The following PRKCZ variants were observed in gnomAD, a reference collection of about 807,000 sequenced individuals.
The protein encoded by PRKCZ is protein kinase C zeta.
In PRKCZ, 33 loss-of-function variants were observed where a neutral mutation model predicts 79.5. The observed-to-expected ratio is 0.41, with a 90% CI of 0.31 to 0.55. The LOEUF (loss-of-function observed/expected upper bound fraction) is 0.55. PRKCZ is among the 20% of genes least tolerant of loss of function. The pLI, the probability that PRKCZ is intolerant of heterozygous loss-of-function variation, is 0.19. For missense variants in PRKCZ, 578 were observed against 813.5 expected (o/e 0.71, Z 3.52); for synonymous variants, 342 against 320.9 (o/e 1.07, Z -0.70).
intron 16 of PRKCZ, among the ~76,000 whole-genome samples, chr1:2,176,257 G>A (rs1468057856): frequency 1.3e-5 from 2 of 152,178 alleles, no homozygotes; most frequent in Admixed American, 6.5e-5. Flanking sequence ...CGAATGTCCC[G>A]AGGGGCTCTG....
chr1:2,086,268 C>G (rs749689371), intron 4 of PRKCZ, among the ~76,000 whole-genome samples: 1 of 152,048 alleles, frequency 6.6e-6, no homozygotes, highest in African/African-American at 2.4e-5. Flanking sequence ...TCCATTTTGC[C>G]CAGGCTGATC....
At chr1:2,085,294 A>C (rs1269821973) in intron 4 of PRKCZ, among the ~76,000 whole-genome samples, 1 of 152,228 alleles carries the variant, frequency 6.6e-6, no homozygotes, top group Admixed American at 6.5e-5. Flanking sequence ...GGTAGCACAC[A>C]GAAGGTCCCG....
intron 16 of PRKCZ, among the ~76,000 whole-genome samples, chr1:2,176,205 C>T (rs1259754920): frequency 6.6e-5 from 10 of 152,104 alleles, no homozygotes; most frequent in Non-Finnish European, 2.9e-5. Flanking sequence ...TGATGAGGGG[C>T]GGTGACTGCA....
At chr1:2,120,269 G>A (rs1264019778) in intron 4 of PRKCZ, among the ~76,000 whole-genome samples, 1 of 128,676 alleles carries the variant, frequency 7.8e-6, no homozygotes, top group East Asian at 2.5e-4. Flanking sequence ...GTCTCTTTTG[G>A]AAAATATCAG....
chr1:2,168,357 G>A lies in PRKCZ; in HGVS notation c.975-1161G>A, dbSNP rs1035858578. On this transcript the variant is annotated intron_variant, in intron 10 of 17. Transcript: ENST00000378567. This position sits in a 1 kb window ranked among gnomAD's most constrained non-coding sequence, Gnocchi z 4.7. ...TACCAGAGAATTTCCAGGCACATCCGTTGGAGGCAGGGGAGACAACAAAAG... is the reference window on the plus strand; with the variant it reads ...TACCAGAGAATTTCCAGGCACATCCATTGGAGGCAGGGGAGACAACAAAAG... Among the ~76,000 whole-genome samples, 5 of 152,160 alleles carry A rather than the reference G, an allele frequency of 3.3e-5. No individual in the cohort carries two copies. Among genetic ancestry groups the A allele is most frequent in the South Asian group, 2.1e-4 (1 of 4,832 alleles).
chr1:2,079,402 C>A (rs762362010), intron 4 of PRKCZ, among the ~76,000 whole-genome samples: 1 of 152,234 alleles, frequency 6.6e-6, no homozygotes, highest in African/African-American at 2.4e-5. Flanking sequence ...TTCCCAGAAT[C>A]GCACAGTTTG....
At chr1:2,147,648 CATCT>C (rs1490134111) in intron 7 of PRKCZ, among the ~76,000 whole-genome samples, 15 of 148,524 alleles carry the variant, frequency 1.0e-4, no homozygotes, top group Admixed American at 2.7e-4. Context: ...TCTATCCATC[CATCT>C]ATTGTCCACT....
chr1:2,159,445 G>A lies in PRKCZ; in HGVS notation c.974+3353G>A, dbSNP rs569232151. Among the ~76,000 whole-genome samples the A allele has an allele frequency of 7.2e-5, 11 of 152,350 alleles. No individual in the cohort carries two copies. The South Asian group carries it at 1.7e-3, about 23-fold the overall frequency. On this transcript the variant is annotated intron_variant, in intron 10 of 17. Coordinates refer to ENST00000378567, the MANE Select transcript of PRKCZ (RefSeq NM_002744.6). ...TTGCTGAGGGCCAGGTGAATAACAC[G>A]CAGAACAGGACACTCCTTCGCTCTG...
rs764115338 is a variant in PRKCZ, at chr1:2,172,418, A to G, written c.1285+30A>G. 35 of 1,597,696 alleles carry G rather than the reference A, an allele frequency of 2.2e-5. 1 individual carries two copies. In the African/African-American group the frequency reaches 4.3e-4, roughly 20 times the overall value. On this transcript the variant is annotated intron_variant, in intron 13 of 17. Transcript: ENST00000378567. The surrounding 1 kb of genome is among the most constrained non-coding windows in gnomAD (Gnocchi z 7.8). The stretch of plus-strand genomic sequence containing the variant: ...GTGCCGCTGCCCTGGCCCCTCTCGG[A>G]GCACACAGGGCCAGAGATGGCTTCG...
At chr1:2,081,751 GT>G (rs1663563769) in intron 4 of PRKCZ, among the ~76,000 whole-genome samples, 2 of 152,154 alleles carry the variant, frequency 1.3e-5, no homozygotes, top group South Asian at 4.1e-4. Flanking sequence ...TGGGGCTCGT[GT>G]GGGACTCGGC....
rs1056390325 is a variant in PRKCZ at position 2,151,629 on chromosome 1, G to C, written c.876+651G>C. On this transcript the variant is annotated intron_variant, in intron 9 of 17. Transcript: ENST00000378567. ...TCCCACACCAGCTGTTTCTAGGGGA[G>C]AAGTTTGTTGATTATAGGATCAATG... 3.9e-5 allele frequency among the ~76,000 whole-genome samples: 6 copies of C among 152,186 alleles called. No homozygotes were observed. In the East Asian group the frequency reaches 1.2e-3, roughly 29 times the overall value.
chr1:2,115,721 T>TTTGC (rs1466495550), intron 4 of PRKCZ, among the ~76,000 whole-genome samples: 1 of 152,040 alleles, frequency 6.6e-6, no homozygotes, highest in Non-Finnish European at 1.5e-5. Context: ...AGGAAAACAC[T>TTTGC]TTGCTTAGTG....
At chr1:2,078,844 CTT>C (rs35626021) in intron 4 of PRKCZ, among the ~76,000 whole-genome samples, 12 of 133,966 alleles carry the variant, frequency 9.0e-5, no homozygotes, top group East Asian at 2.2e-4. Flanking sequence ...CTGAAGGTGG[CTT>C]TTTTTTTTTT....
chr1:2,068,358 T>C (rs1354079615), intron 4 of PRKCZ, among the ~76,000 whole-genome samples: 1 of 152,182 alleles, frequency 6.6e-6, no homozygotes, highest in Admixed American at 6.5e-5. Context: ...AGGGCTGGCT[T>C]TCTTGGGAGG....
At chr1:2,108,705 A>G (rs1669096749) in intron 4 of PRKCZ, among the ~76,000 whole-genome samples, 2 of 152,086 alleles carry the variant, frequency 1.3e-5, no homozygotes, top group South Asian at 4.1e-4. Context: ...AGGCTGTCTG[A>G]TGTGCTCCCT....
intron 4 of PRKCZ, among the ~76,000 whole-genome samples, chr1:2,100,773 TG>T (rs1296220274): frequency 7.9e-5 from 12 of 152,004 alleles, no homozygotes; most frequent in Admixed American, 7.9e-4. Context: ...AGAGGCCTCG[TG>T]GGTTGGAGGA....
intron 4 of PRKCZ, among the ~76,000 whole-genome samples, chr1:2,109,338 C>G (rs4648806): frequency 1.3e-5 from 2 of 151,818 alleles, no homozygotes; most frequent in Non-Finnish European, 2.9e-5. Context: ...GGGCGATGGT[C>G]GGGGGGCACC....
chr1:2,138,884 A>C (rs1242113165), intron 5 of PRKCZ, among the ~76,000 whole-genome samples: 1 of 152,168 alleles, frequency 6.6e-6, no homozygotes, highest in African/African-American at 2.4e-5. Flanking sequence ...CGGTGAGCTG[A>C]GATTGTGCCA....
intron 4 of PRKCZ, among the ~76,000 whole-genome samples, chr1:2,103,467 AG>A (rs1282518247): frequency 6.6e-6 from 1 of 152,050 alleles, no homozygotes; most frequent in Non-Finnish European, 1.5e-5. Flanking sequence ...AAGGCCTGGG[AG>A]GGGGACACAG....
Sources: gnomAD v4.1 joint callset for allele counts (sites outside exome capture counted in the v4.1 genomes callset) on GRCh38, gnomAD v4.1.1 for gene constraint, Gnocchi (gnomAD v3.1) non-coding constraint, MANE v1.5 for transcripts, NCBI Gene and HGNC (gene_info 2026-07-23, HGNC 2026-07-21) for gene names.